Variants in COLEC12 observed in about 807,000 individuals in gnomAD.
COLEC12 encodes collectin subfamily member 12.
A neutral mutation model predicts 71.1 loss-of-function variants in COLEC12; 33 were observed. That is an observed-to-expected ratio of 0.46 (90% CI 0.35 to 0.62). The LOEUF (loss-of-function observed/expected upper bound fraction) is 0.62, where lower values mean the gene tolerates loss of function less well. COLEC12 is among the 20% of genes least tolerant of loss of function. The probability of loss-of-function intolerance (pLI) is 0.00; values close to 1 mark genes in which losing one functional copy is unlikely to be tolerated. For synonymous variants in COLEC12, 350 were observed against 353.0 expected, an observed-to-expected ratio of 0.99 and a Z score of 0.10; for missense variants, 765 against 916.1, an observed-to-expected ratio of 0.84 and a Z score of 2.13.
In COLEC12 at chr18:469,377, T is replaced by C. The variant is rs1917149900; in HGVS notation, c.58+11330A>G. 2.0e-5 allele frequency among the ~76,000 whole-genome samples: 3 copies of C among 152,234 alleles called. No individual in the cohort carries two copies. In the South Asian group the frequency reaches 6.2e-4, roughly 32 times the overall value. On this transcript the variant is annotated intron_variant, in intron 2 of 9. Coordinates refer to ENST00000400256, the MANE Select transcript of COLEC12 (RefSeq NM_130386.3). ...TTTCTTTTATGCAAATACACCGCTG[T>C]TTGAAAAATCTATTTTTTATTACAT...
At chr18:368,959 C>T (rs1914933025) in intron 2 of COLEC12, among the ~76,000 whole-genome samples, 1 of 152,188 alleles carries the variant, frequency 6.6e-6, no homozygotes, top group Admixed American at 6.5e-5. Flanking sequence ...CTGGAGCCAG[C>T]TTATACTGAC....
intron 3 of COLEC12, among the ~76,000 whole-genome samples, chr18:351,631 G>T (rs1567881284): frequency 6.6e-6 from 1 of 152,144 alleles, no homozygotes; most frequent in Non-Finnish European, 1.5e-5. Flanking sequence ...ACAATGGAAT[G>T]ATCTTAGCTG....
At position 319,879 on chromosome 18, in the gene COLEC12, T is replaced by G; in HGVS notation, c.*166A>C. On this transcript the variant is annotated 3_prime_UTR_variant, in exon 10 of 10. Coordinates refer to ENST00000400256, the MANE Select transcript of COLEC12 (RefSeq NM_130386.3). ...GGGGAACATTTTAGTTCCCAAGTCTTTGGGTAATGACGGATGGTAAAAAAC... is the reference window on the plus strand; with the variant it reads ...GGGGAACATTTTAGTTCCCAAGTCTGTGGGTAATGACGGATGGTAAAAAAC... 1.6e-6 allele frequency: 1 copy of G among 629,076 alleles called. No individual in the cohort carries two copies. Among genetic ancestry groups the G allele is most frequent in the Non-Finnish European group, 2.8e-6 (1 of 353,124 alleles). 39.0% of individuals were successfully genotyped at this position (629,076 alleles called of 1,614,324 possible).
rs570020299 is a variant in COLEC12, at chr18:483,954, C to A, written c.8-3197G>T. Reference sequence around the variant, plus strand: ...CTCTATCCTTTCCACCACTGTGCCACCTCTGCAGCAGAATCCACTCACACT... The same window carrying A: ...CTCTATCCTTTCCACCACTGTGCCAACTCTGCAGCAGAATCCACTCACACT... On this transcript the variant is annotated intron_variant, in intron 1 of 9. Coordinates refer to ENST00000400256, the MANE Select transcript of COLEC12 (RefSeq NM_130386.3). Among the ~76,000 whole-genome samples, 6 of 152,302 alleles carry A rather than the reference C, an allele frequency of 3.9e-5. No homozygotes were observed. The South Asian group carries it at 6.2e-4, about 16-fold the overall frequency.
At chr18:434,300 T>C (rs1398883177) in intron 2 of COLEC12, among the ~76,000 whole-genome samples, 1 of 152,236 alleles carries the variant, frequency 6.6e-6, no homozygotes, top group Non-Finnish European at 1.5e-5. Context: ...CAAAGCATCA[T>C]TTGAAAATGC....
intron 1 of COLEC12, among the ~76,000 whole-genome samples, chr18:489,933 C>CG (rs1236033613): frequency 6.6e-6 from 1 of 152,150 alleles, no homozygotes; most frequent in African/African-American, 2.4e-5. Context: ...CGGAGAGATA[C>CG]GGGGGCCATG....
chr18:332,809 A>G (rs977309570), intron 7 of COLEC12, among the ~76,000 whole-genome samples, 198 bp downstream of exon 7: 3 of 152,218 alleles, frequency 2.0e-5, no homozygotes, highest in Admixed American at 6.5e-5. Context: ...ATCTTCCAGG[A>G]AGAATCATGA....
intron 2 of COLEC12, among the ~76,000 whole-genome samples, chr18:394,897 C>T (rs1385927325): frequency 6.6e-6 from 1 of 152,144 alleles, no homozygotes; most frequent in Non-Finnish European, 1.5e-5. Flanking sequence ...CCACTTGTTT[C>T]CATGTTGATG....
At position 348,728 on chromosome 18, in the gene COLEC12, TG is replaced by T. The variant is rs559149410; in HGVS notation, c.182-566del. Among the ~76,000 whole-genome samples, 6 of 152,364 alleles carry T rather than the reference TG, an allele frequency of 3.9e-5. No homozygotes were observed. The South Asian group carries it at 1.2e-3, about 32-fold the overall frequency. On this transcript the variant is annotated intron_variant, in intron 3 of 9. Transcript: ENST00000400256. ...CACAAGGCCCTGAAAATCTGCTTTT[TG>T]TTAGTGACAACTGATTCTGTAGTTT...
At chr18:439,168 C>T (rs1167368653) in intron 2 of COLEC12, among the ~76,000 whole-genome samples, 4 of 152,322 alleles carry the variant, frequency 2.6e-5, no homozygotes, top group East Asian at 3.9e-4. Context: ...CTTGTTCAAA[C>T]TTTCACAATG....
rs1915839228 is a variant in COLEC12, at chr18:408,925, G to C, written c.59-51403C>G. Among the ~76,000 whole-genome samples, 1 of 152,014 alleles carries C rather than the reference G, an allele frequency of 6.6e-6. No individual in the cohort carries two copies. The highest frequency in any genetic ancestry group is 2.4e-5 in the African/African-American group (1 of 41,390). ...TTGACTCACTGCAACCTCCACCTCT[G>C]GGGTTCAAGTGATTCTCATGCCTCA... is the stretch of plus-strand genomic sequence containing the variant. On this transcript the variant is annotated intron_variant, in intron 2 of 9. Coordinates refer to ENST00000400256, the MANE Select transcript of COLEC12 (RefSeq NM_130386.3). The surrounding 1 kb of genome is among the most constrained non-coding windows in gnomAD (Gnocchi z 4.3).
chr18:380,185 T>C (rs74852589), intron 2 of COLEC12, among the ~76,000 whole-genome samples: 8,111 of 152,226 alleles, frequency 0.053, 299 homozygotes, highest in East Asian at 0.18. Context: ...ATGGAACCAC[T>C]AGCTTACTCT....
intron 2 of COLEC12, among the ~76,000 whole-genome samples, chr18:443,897 T>G (rs1436708223): frequency 1.3e-5 from 2 of 152,092 alleles, no homozygotes; most frequent in African/African-American, 4.8e-5. Flanking sequence ...TAAAAGTGTG[T>G]GGAGTCTCCT....
rs1031757334 is a variant in COLEC12 at position 362,347 on chromosome 18, T to C, written c.59-4825A>G. ...TCCCCCTCCCCTGACTTCTTTTTAA[T>C]AAGAATTCTGTTTTATCTTCCTCTC... is the stretch of plus-strand genomic sequence containing the variant. On this transcript the variant is annotated intron_variant, in intron 2 of 9. Coordinates refer to ENST00000400256, the MANE Select transcript of COLEC12 (RefSeq NM_130386.3). The surrounding 1 kb of genome is among the most constrained non-coding windows in gnomAD (Gnocchi z 4.6). Among the ~76,000 whole-genome samples the C allele has an allele frequency of 6.6e-6, 1 of 152,154 alleles. No individual in the cohort carries two copies. Among genetic ancestry groups the C allele is most frequent in the African/African-American group, 2.4e-5 (1 of 41,436 alleles).
chr18:407,104 G>A (rs562640979), intron 2 of COLEC12, among the ~76,000 whole-genome samples: 1 of 152,380 alleles, frequency 6.6e-6, no homozygotes, highest in Admixed American at 6.5e-5. Flanking sequence ...TCAGCTTCCT[G>A]AGGCTGAGCC....
At chr18:405,127 G>A (rs986585747) in intron 2 of COLEC12, among the ~76,000 whole-genome samples, 2 of 152,088 alleles carry the variant, frequency 1.3e-5, no homozygotes, top group African/African-American at 2.4e-5. Context: ...TAAATTTGTG[G>A]TCAGACAAGT....
At chr18:430,581 A>C (rs1916284918) in intron 2 of COLEC12, among the ~76,000 whole-genome samples, 1 of 152,228 alleles carries the variant, frequency 6.6e-6, no homozygotes, top group Non-Finnish European at 1.5e-5. Flanking sequence ...TAAGAATTTG[A>C]GTATAAATGG....
intron 1 of COLEC12, among the ~76,000 whole-genome samples, chr18:490,414 C>T (rs929581539): frequency 2.0e-5 from 3 of 152,090 alleles, no homozygotes; most frequent in African/African-American, 7.2e-5. Context: ...GTGTAAATGC[C>T]ACAAGAAAAT....
At chr18:441,182 A>T (rs577385375) in intron 2 of COLEC12, among the ~76,000 whole-genome samples, 1 of 149,706 alleles carries the variant, frequency 6.7e-6, no homozygotes, top group South Asian at 2.2e-4. Context: ...CGGGAGGCGG[A>T]GCTTGCAGTG....
Sources: allele counts gnomAD v4.1 joint callset (sites outside exome capture counted in the v4.1 genomes callset), GRCh38; gene constraint gnomAD v4.1.1; non-coding constraint Gnocchi (gnomAD v3.1); transcripts MANE v1.5; gene names NCBI Gene and HGNC (gene_info 2026-07-23, HGNC 2026-07-21).